Variants in CA10 observed in about 807,000 individuals in gnomAD.
CA10 encodes the protein carbonic anhydrase 10 (inactive).
Under a neutral mutation model 44.2 loss-of-function variants are expected in CA10, and 14 were observed. The ratio of observed to expected loss-of-function variants is 0.32; its 90% CI spans 0.21 to 0.50. CA10 has a LOEUF of 0.50. CA10 is among the 20% of genes least tolerant of loss of function. The pLI is 0.99. For missense variants in CA10, 350 were observed against 409.7 expected (o/e 0.85, Z 1.26); for synonymous variants, 159 against 141.6 (o/e 1.12, Z -0.87).
intron 3 of CA10, among the ~76,000 whole-genome samples, chr17:51,857,758 G>T (rs1159555636): frequency 6.6e-6 from 1 of 152,160 alleles, no homozygotes; most frequent in Non-Finnish European, 1.5e-5. Flanking sequence ...TGACATAAGA[G>T]ACAGTGGATG....
chr17:51,985,124 C>A (rs866009809), intron 2 of CA10, among the ~76,000 whole-genome samples: 2 of 151,944 alleles, frequency 1.3e-5, no homozygotes, highest in African/African-American at 2.4e-5. Context: ...TAACAAAATA[C>A]TAGCTAACTG....
At chr17:52,060,011 A>G (rs781026105) in intron 2 of CA10, among the ~76,000 whole-genome samples, 1 of 152,172 alleles carries the variant, frequency 6.6e-6, no homozygotes, top group African/African-American at 2.4e-5. Flanking sequence ...CTAAAGATCA[A>G]TCTCTAGCCT....
chr17:52,098,719 G>C (rs528289143), intron 1 of CA10, among the ~76,000 whole-genome samples: 2 of 152,262 alleles, frequency 1.3e-5, no homozygotes, highest in African/African-American at 2.4e-5. Context: ...ATACCTACCT[G>C]TTCCTCTACC....
At chr17:51,949,916 A>G (rs535607600) in intron 2 of CA10, among the ~76,000 whole-genome samples, 64 of 152,302 alleles carry the variant, frequency 4.2e-4, no homozygotes, top group African/African-American at 1.4e-3. Context: ...TGGATAGTAT[A>G]TCCCTGTTGG....
At chr17:51,923,269 C>T (rs1982301830) in intron 3 of CA10, among the ~76,000 whole-genome samples, 1 of 152,108 alleles carries the variant, frequency 6.6e-6, no homozygotes, top group Admixed American at 6.6e-5. Context: ...TTCTTTCCAC[C>T]TTCTGCATAT....
intron 2 of CA10, among the ~76,000 whole-genome samples, chr17:51,964,382 A>G (rs750226519): frequency 1.3e-5 from 2 of 151,970 alleles, no homozygotes; most frequent in Non-Finnish European, 2.9e-5. Flanking sequence ...AGAAATTCTG[A>G]ACTTAGACAT....
intron 2 of CA10, among the ~76,000 whole-genome samples, chr17:51,989,665 G>A (rs997245112): frequency 2.6e-5 from 4 of 152,036 alleles, no homozygotes; most frequent in African/African-American, 9.7e-5. Flanking sequence ...CATGGATGGA[G>A]TTGGAGGCCA....
chr17:51,820,318 G>A (rs1907722586), intron 3 of CA10, among the ~76,000 whole-genome samples: 1 of 150,396 alleles, frequency 6.6e-6, no homozygotes, highest in African/African-American at 2.5e-5. Context: ...ACACACAGTG[G>A]GTATTCAGTC....
intron 4 of CA10, among the ~76,000 whole-genome samples, chr17:51,707,617 A>T (rs550309819): frequency 3.3e-5 from 5 of 151,354 alleles, no homozygotes; most frequent in Admixed American, 2.0e-4. Context: ...TGAATGAATT[A>T]ACACAGGCAT....
At chr17:51,989,419 TG>T (rs1318291179) in intron 2 of CA10, among the ~76,000 whole-genome samples, 12 of 152,072 alleles carry the variant, frequency 7.9e-5, no homozygotes, top group Non-Finnish European at 1.8e-4. Context: ...ATGTGGTATT[TG>T]GTTTTCTGTT....
rs139304583 is a variant in CA10, at chr17:51,675,591, C to A, written c.466-21855G>T. On this transcript the variant is annotated intron_variant, in intron 4 of 8. Transcript: ENST00000451037. ...ATTAGCCAGGTGTGGTGGCAGGCAC[C>A]TGTAATCCCAGCTACTCAGGAGACT... Among the ~76,000 whole-genome samples the A allele has an allele frequency of 6.5e-4, 99 of 151,446 alleles. 1 individual carries two copies. The highest frequency in any genetic ancestry group is 2.2e-3 in the African/African-American group (91 of 41,270).
chr17:51,658,821 T>G (rs17696081), intron 4 of CA10, among the ~76,000 whole-genome samples: 2,621 of 152,302 alleles, frequency 0.017, 35 homozygotes, highest in Non-Finnish European at 0.025. Flanking sequence ...CTTCTTTACC[T>G]CATAGTTCAG....
chr17:52,079,042 T>A (rs1343492609), intron 1 of CA10, among the ~76,000 whole-genome samples: 1 of 152,124 alleles, frequency 6.6e-6, no homozygotes, highest in Non-Finnish European at 1.5e-5. Flanking sequence ...ATCCCAGCAC[T>A]CTGGGAGGCC....
chr17:52,025,698 T>A (rs2144162231), intron 2 of CA10, among the ~76,000 whole-genome samples: 1 of 152,260 alleles, frequency 6.6e-6, no homozygotes, highest in East Asian at 1.9e-4. Flanking sequence ...TTTTCTGTCT[T>A]CATTTAACTT....
chr17:51,871,813 A>T (rs1276935287), intron 3 of CA10, among the ~76,000 whole-genome samples: 2 of 152,156 alleles, frequency 1.3e-5, no homozygotes, highest in Non-Finnish European at 2.9e-5. Flanking sequence ...TATGTACCAG[A>T]GGGTCAGAAC....
At chr17:51,788,810 C>T (rs1002115551) in intron 3 of CA10, among the ~76,000 whole-genome samples, 1 of 152,172 alleles carries the variant, frequency 6.6e-6, no homozygotes, top group South Asian at 2.1e-4. Context: ...TGATTCTGGG[C>T]AAAGTAATTT....
In CA10 at chr17:52,040,578, T is replaced by A. The variant is rs867847445; in HGVS notation, c.136+31741A>T. ...GGTTTTCAGACATTGGACAGCAGGCTATGCAGGACAATGATCCCTGAAAGA... is the reference window on the plus strand; with the variant it reads ...GGTTTTCAGACATTGGACAGCAGGCAATGCAGGACAATGATCCCTGAAAGA... On this transcript the variant is annotated intron_variant, in intron 2 of 8. Coordinates refer to ENST00000451037, the MANE Select transcript of CA10 (RefSeq NM_020178.5). 2.6e-5 allele frequency among the ~76,000 whole-genome samples: 4 copies of A among 152,066 alleles called. 1 individual carries two copies. The highest frequency in any genetic ancestry group is 5.9e-5 in the Non-Finnish European group (4 of 68,018).
intron 4 of CA10, among the ~76,000 whole-genome samples, chr17:51,671,647 G>A (rs972255332): frequency 5.3e-5 from 8 of 151,652 alleles, no homozygotes; most frequent in South Asian, 2.1e-4. Context: ...TTCATGATCC[G>A]CCTGCCTCGG....
At chr17:51,964,858 A>T (rs1984023130) in intron 2 of CA10, among the ~76,000 whole-genome samples, 1 of 151,932 alleles carries the variant, frequency 6.6e-6, no homozygotes, top group Non-Finnish European at 1.5e-5. Flanking sequence ...AAAAACAAGA[A>T]CAAACTGACC....
Sources: allele counts gnomAD v4.1 joint callset (sites outside exome capture counted in the v4.1 genomes callset), GRCh38; gene constraint gnomAD v4.1.1; transcripts MANE v1.5; gene names NCBI Gene and HGNC (gene_info 2026-07-23, HGNC 2026-07-21).